The following SSBP2 variants were observed in gnomAD, a reference collection of about 807,000 sequenced individuals.
SSBP2 encodes the protein single-stranded DNA-binding protein 2.
In SSBP2, 17 loss-of-function variants were observed where a neutral mutation model predicts 61.8. That is an observed-to-expected ratio of 0.28 (90% confidence interval 0.19 to 0.41). SSBP2 has a LOEUF of 0.41. SSBP2 is among the 10% of genes least tolerant of loss of function. SSBP2 has a pLI of 1.00. For synonymous variants in SSBP2, 139 were observed against 141.3 expected (o/e 0.98, Z 0.12); for missense variants, 310 against 458.7 (o/e 0.68, Z 2.96).
At position 81,415,894 on chromosome 5, in the gene SSBP2, A is replaced by T. The variant is rs2153870942; in HGVS notation, c.*4610T>A. 1 of 148,448 alleles carries T rather than the reference A, an allele frequency of 6.7e-6. No homozygotes were observed. The highest frequency in any genetic ancestry group is 2.5e-5 in the African/African-American group (1 of 39,818). 9.2% of individuals were successfully genotyped at this position (148,448 alleles called of 1,614,324 possible). A position where few individuals can be genotyped will look rare whatever the true frequency, so the allele number is the denominator to read the frequency against. ...ACCATTGCACTCCAGCCTGGGTGAC[A>T]GAGCAAGATTCTGACTCAAAAAAAA... On this transcript the variant is annotated 3_prime_UTR_variant, in exon 17 of 17. Coordinates refer to ENST00000320672, the MANE Select transcript of SSBP2 (RefSeq NM_012446.5).
rs933647367 is a variant in SSBP2, at chr5:81,611,761, T to C, written c.282+3712A>G. Among the ~76,000 whole-genome samples the C allele has an allele frequency of 3.9e-5, 6 of 152,190 alleles. No homozygotes were observed. In the South Asian group the frequency reaches 1.2e-3, roughly 32 times the overall value. On this transcript the variant is annotated intron_variant, in intron 4 of 16. Coordinates refer to ENST00000320672, the MANE Select transcript of SSBP2 (RefSeq NM_012446.5). ...AAAATACATACTTTGAAAAAATATA[T>C]ATTATTTTTACAATAAAATGAACTT...
intron 5 of SSBP2, among the ~76,000 whole-genome samples, chr5:81,509,614 TG>T (rs1768440947): frequency 6.6e-6 from 1 of 152,204 alleles, no homozygotes; most frequent in Admixed American, 6.5e-5. Flanking sequence ...TTTGGTACTT[TG>T]AGTTTTTTAA....
intron 5 of SSBP2, among the ~76,000 whole-genome samples, chr5:81,490,758 G>A (rs528855037): frequency 6.6e-5 from 10 of 152,136 alleles, no homozygotes; most frequent in Non-Finnish European, 1.3e-4. Flanking sequence ...CCAACAAAAG[G>A]AGCTTCACAA....
chr5:81,745,057 A>G (rs901841144), intron 1 of SSBP2, among the ~76,000 whole-genome samples: 4 of 152,296 alleles, frequency 2.6e-5, no homozygotes, highest in Non-Finnish European at 2.9e-5. Context: ...ATTAACTTAC[A>G]TGACAAAAAT....
At chr5:81,573,480 A>G (rs895139790) in intron 4 of SSBP2, among the ~76,000 whole-genome samples, 1 of 152,244 alleles carries the variant, frequency 6.6e-6, no homozygotes, top group Non-Finnish European at 1.5e-5. Context: ...AAAACCTGGT[A>G]TGGTTTGGGA....
At chr5:81,426,498 T>A (rs1027895761) in intron 16 of SSBP2, among the ~76,000 whole-genome samples, 2 of 152,208 alleles carry the variant, frequency 1.3e-5, no homozygotes, top group African/African-American at 4.8e-5. Flanking sequence ...CAGTCTAGCA[T>A]TGAACCCGCT....
At chr5:81,593,283 T>A (rs1448181728) in intron 4 of SSBP2, among the ~76,000 whole-genome samples, 1 of 151,598 alleles carries the variant, frequency 6.6e-6, no homozygotes, top group African/African-American at 2.4e-5. Flanking sequence ...GGAAGAGAAG[T>A]TTAGAGAAAA....
At chr5:81,671,290 T>C (rs1030951764) in intron 1 of SSBP2, among the ~76,000 whole-genome samples, 2 of 152,170 alleles carry the variant, frequency 1.3e-5, no homozygotes, top group Non-Finnish European at 2.9e-5. Flanking sequence ...GGTATTTTTT[T>C]CCTCTGGGCA....
chr5:81,429,285 T>C (rs1580655233), intron 15 of SSBP2, among the ~76,000 whole-genome samples: 2 of 152,314 alleles, frequency 1.3e-5, no homozygotes, highest in Admixed American at 1.3e-4. Context: ...AAAAGAAAAC[T>C]GCTTTAGAAT....
intron 1 of SSBP2, among the ~76,000 whole-genome samples, chr5:81,732,512 T>A (rs182175610): frequency 2.2e-4 from 34 of 152,384 alleles, no homozygotes; most frequent in African/African-American, 7.7e-4. Flanking sequence ...TTAATTTTTT[T>A]ACCTAAATTC....
At chr5:81,628,296 A>G (rs1300375933) in intron 3 of SSBP2, among the ~76,000 whole-genome samples, 1 of 152,146 alleles carries the variant, frequency 6.6e-6, no homozygotes, top group East Asian at 1.9e-4. Flanking sequence ...AGAACTTACT[A>G]TTTCTAGAAT....
At chr5:81,570,213 T>C (rs933965245) in intron 4 of SSBP2, among the ~76,000 whole-genome samples, 1 of 152,132 alleles carries the variant, frequency 6.6e-6, no homozygotes, top group African/African-American at 2.4e-5. Context: ...CCTACACACA[T>C]AGTCCCCCAC....
At chr5:81,507,879 G>A (rs934039104) in intron 5 of SSBP2, among the ~76,000 whole-genome samples, 4 of 152,068 alleles carry the variant, frequency 2.6e-5, no homozygotes, top group African/African-American at 9.7e-5. Context: ...AAAAGAATTA[G>A]TACTTTTGTG....
chr5:81,511,597 T>C lies in SSBP2; in HGVS notation c.372+2031A>G, dbSNP rs75194572. Among the ~76,000 whole-genome samples, 65 of 152,354 alleles carry C rather than the reference T, an allele frequency of 4.3e-4. 1 individual carries two copies. The East Asian group carries it at 0.012, about 28-fold the overall frequency. On this transcript the variant is annotated intron_variant, in intron 5 of 16. Transcript: ENST00000320672. ...TTTTGTTTATACTATTCTGACTTTC[T>C]GAAATGTAATTCCTCTGCTTATTTT...
intron 6 of SSBP2, among the ~76,000 whole-genome samples, chr5:81,478,833 A>C (rs138026336): frequency 1.3e-5 from 2 of 152,176 alleles, no homozygotes; most frequent in East Asian, 3.8e-4. Context: ...TTTGACACTT[A>C]ACTTCTGTCT....
Position 81,542,977 on chromosome 5 carries a change from C to T in SSBP2, c.283-29260G>A, listed in dbSNP as rs531854710. ...TGAAGCAATTCTCCTGCTTCAGCCT[C>T]CCGAGTAGCTGGGATTACAGGCATG... On this transcript the variant is annotated intron_variant, in intron 4 of 16. Coordinates refer to ENST00000320672, the MANE Select transcript of SSBP2 (RefSeq NM_012446.5). Among the ~76,000 whole-genome samples, 28 of 152,206 alleles carry T rather than the reference C, an allele frequency of 1.8e-4. No homozygotes were observed. In the South Asian group the frequency reaches 5.4e-3, roughly 29 times the overall value.
At chr5:81,451,195 ATGG>A (rs1763743547) in intron 10 of SSBP2, among the ~76,000 whole-genome samples, 1 of 152,152 alleles carries the variant, frequency 6.6e-6, no homozygotes, top group Non-Finnish European at 1.5e-5. Flanking sequence ...GCTGGCACTC[ATGG>A]TGATTACACC....
intron 6 of SSBP2, among the ~76,000 whole-genome samples, chr5:81,474,819 C>T (rs774257382): frequency 3.9e-5 from 6 of 152,090 alleles, no homozygotes; most frequent in East Asian, 1.9e-4. Flanking sequence ...CAAAGATCTA[C>T]GCAAAAACTG....
intron 4 of SSBP2, among the ~76,000 whole-genome samples, chr5:81,592,820 C>A (rs1217725385): frequency 6.6e-6 from 1 of 152,104 alleles, no homozygotes; most frequent in African/African-American, 2.4e-5. Flanking sequence ...GAAAGGACAT[C>A]CACACCAAAG....
Sources: gnomAD v4.1 joint callset for allele counts (sites outside exome capture counted in the v4.1 genomes callset) on GRCh38, gnomAD v4.1.1 for gene constraint, MANE v1.5 for transcripts, NCBI Gene and HGNC (gene_info 2026-07-23, HGNC 2026-07-21) for gene names.